Variants in JAZF1 observed in about 807,000 individuals in gnomAD.
The protein encoded by JAZF1 is JAZF zinc finger 1.
A neutral mutation model predicts 26.4 loss-of-function variants in JAZF1; 8 were observed. That is an observed-to-expected ratio of 0.30 (90% CI 0.18 to 0.55). The LOEUF (loss-of-function observed/expected upper bound fraction) is 0.55. JAZF1 is among the 20% of genes least tolerant of loss of function. JAZF1 has a pLI of 0.94. For missense variants in JAZF1, 199 were observed against 322.0 expected (o/e 0.62, Z 2.92); for synonymous variants, 126 against 122.3 (o/e 1.03, Z -0.20).
chr7:28,092,312 A>C (rs200471234), intron 1 of JAZF1, among the ~76,000 whole-genome samples: 2,593 of 137,556 alleles, frequency 0.019, 56 homozygotes, highest in East Asian at 0.14. Context: ...AAAAAAAAAA[A>C]AAAAAAAAAA....
intron 2 of JAZF1, chr7:27,914,688 T>C: frequency 2.1e-6 from 1 of 470,832 alleles, no homozygotes; most frequent in East Asian, 6.9e-5. Flanking sequence ...AGATCTCCCA[T>C]ATAGATATAG....
intron 1 of JAZF1, among the ~76,000 whole-genome samples, chr7:28,159,400 A>G (rs975520732): frequency 5.3e-5 from 8 of 151,832 alleles, no homozygotes; most frequent in Non-Finnish European, 1.0e-4. Flanking sequence ...AAAGATCTTG[A>G]GACATGAACA....
chr7:27,873,055 G>A (rs182360996), intron 3 of JAZF1, among the ~76,000 whole-genome samples: 165 of 152,234 alleles, frequency 1.1e-3, no homozygotes, highest in Non-Finnish European at 1.5e-3. Context: ...TATATTAAGC[G>A]ACGGGGTAGG....
intron 2 of JAZF1, among the ~76,000 whole-genome samples, chr7:27,909,231 A>G (rs1387817326): frequency 6.8e-6 from 1 of 146,258 alleles, no homozygotes; most frequent in Non-Finnish European, 1.5e-5. Flanking sequence ...TCTTTTTTTA[A>G]TTGAAGAAAT....
At chr7:28,098,415 C>G (rs1784418325) in intron 1 of JAZF1, among the ~76,000 whole-genome samples, 1 of 152,034 alleles carries the variant, frequency 6.6e-6, no homozygotes, top group Admixed American at 6.5e-5. Context: ...TTCCTGAGTG[C>G]AAGGACCAAG....
intron 2 of JAZF1, among the ~76,000 whole-genome samples, chr7:27,931,084 G>A (rs912895356): frequency 6.6e-6 from 1 of 152,124 alleles, no homozygotes; most frequent in Admixed American, 6.5e-5. Flanking sequence ...TTACATCTTT[G>A]CCTTCCAGAA....
intron 1 of JAZF1, among the ~76,000 whole-genome samples, chr7:28,147,926 A>T (rs1245233728): frequency 6.6e-6 from 1 of 152,036 alleles, no homozygotes. Context: ...AAGGAAAAGA[A>T]AAGAAAAAGA....
At chr7:28,079,640 T>C (rs759385148) in intron 1 of JAZF1, among the ~76,000 whole-genome samples, 1 of 152,192 alleles carries the variant, frequency 6.6e-6, no homozygotes, top group Non-Finnish European at 1.5e-5. Flanking sequence ...AATCAATACA[T>C]GCTTGCTGAT....
intron 1 of JAZF1, among the ~76,000 whole-genome samples, chr7:28,056,442 AC>A: frequency 1.1e-5 from 1 of 88,888 alleles, no homozygotes; most frequent in Middle Eastern, 5.4e-3. Context: ...AACTACACAC[AC>A]ACACACACAC....
intron 1 of JAZF1, among the ~76,000 whole-genome samples, chr7:27,993,435 C>T (rs768671937): frequency 2.6e-5 from 4 of 152,172 alleles, no homozygotes; most frequent in African/African-American, 7.2e-5. Context: ...CACGGGGAAA[C>T]GCAGTTTTCA....
chr7:27,895,502 G>T, intron 2 of JAZF1, 86 bp from the exon 3 acceptor site: 1 of 994,374 alleles, frequency 1.0e-6, no homozygotes, highest in Non-Finnish European at 1.4e-6. Flanking sequence ...AGACATGCAC[G>T]ACCCTGGAAA....
rs185841554 is a variant in JAZF1, at chr7:28,134,533, G to C, written c.115+45930C>G. On this transcript the variant is annotated intron_variant, in intron 1 of 4. Transcript: ENST00000283928. The stretch of plus-strand genomic sequence containing the variant: ...TCACTTTGTTGCCCAGGTTGGTTTT[G>C]AATTCTTGGCTTCAAACGATCCTCC... 3.8e-4 allele frequency among the ~76,000 whole-genome samples: 54 copies of C among 143,422 alleles called. 1 individual carries two copies. The highest frequency in any genetic ancestry group is 2.2e-3 in the Admixed American group (31 of 14,118). 94.1% of individuals were successfully genotyped at this position (143,422 alleles called of 152,430 possible). A position where few individuals can be genotyped will look rare whatever the true frequency, so the allele number is the denominator to read the frequency against.
intron 1 of JAZF1, among the ~76,000 whole-genome samples, chr7:28,148,683 T>A (rs1783063884): frequency 6.6e-6 from 1 of 152,244 alleles, no homozygotes; most frequent in South Asian, 2.1e-4. Flanking sequence ...TGAAACACAT[T>A]TACCAAGTTC....
chr7:28,144,880 C>T (rs994773015), intron 1 of JAZF1, among the ~76,000 whole-genome samples: 1 of 152,154 alleles, frequency 6.6e-6, no homozygotes, highest in African/African-American at 2.4e-5. Flanking sequence ...TATTATTACT[C>T]ATATTCCAAG....
chr7:28,020,747 A>C (rs1255634765), intron 1 of JAZF1: 1 of 469,698 alleles, frequency 2.1e-6, no homozygotes, highest in Non-Finnish European at 4.4e-6. Context: ...CTAGTGGCTG[A>C]AGCCTCTGCA....
At chr7:27,962,633 A>C (rs141216663) in intron 2 of JAZF1, among the ~76,000 whole-genome samples, 3 of 152,348 alleles carry the variant, frequency 2.0e-5, no homozygotes, top group African/African-American at 7.2e-5. Context: ...GAGGAAAGGC[A>C]GTAGGCTTTG....
intron 1 of JAZF1, among the ~76,000 whole-genome samples, chr7:28,121,855 C>T (rs921466234): frequency 6.6e-6 from 1 of 152,238 alleles, no homozygotes; most frequent in African/African-American, 2.4e-5. Context: ...AGTTTATAAT[C>T]ATCCTTCAAT....
At chr7:28,137,630 G>A (rs976477732) in intron 1 of JAZF1, among the ~76,000 whole-genome samples, 21 of 152,096 alleles carry the variant, frequency 1.4e-4, no homozygotes, top group African/African-American at 4.8e-4. Context: ...ACGTATCCCT[G>A]GGATATAGAT....
chr7:27,961,035 T>C (rs1388872805), intron 2 of JAZF1, among the ~76,000 whole-genome samples: 1 of 152,208 alleles, frequency 6.6e-6, no homozygotes, highest in Non-Finnish European at 1.5e-5. Flanking sequence ...AACACAGCAT[T>C]TGAGGACTTA....
Sources: gnomAD v4.1 joint callset for allele counts (sites outside exome capture counted in the v4.1 genomes callset) on GRCh38, gnomAD v4.1.1 for gene constraint, MANE v1.5 for transcripts, NCBI Gene and HGNC (gene_info 2026-07-23, HGNC 2026-07-21) for gene names.